Variants in CNTNAP3B observed in about 807,000 individuals in gnomAD.
CNTNAP3B encodes the protein contactin associated protein family member 3B.
CNTNAP3B carries 25 observed loss-of-function variants against 108.9 expected under a neutral mutation model. The observed-to-expected ratio is 0.23, with a 90% CI of 0.17 to 0.32. CNTNAP3B has a LOEUF of 0.32. Ranked by LOEUF, CNTNAP3B falls within the 10% of genes least tolerant of loss-of-function variation. The pLI is 1.00. For missense variants in CNTNAP3B, 252 were observed against 1,210.4 expected, an observed-to-expected ratio of 0.21 and a Z score of 11.75; for synonymous variants, 103 against 473.4, an observed-to-expected ratio of 0.22 and a Z score of 10.16.
chr9:42,055,459 C>T (rs553159404), intron 3 of CNTNAP3B, among the ~76,000 whole-genome samples: 1 of 144,810 alleles, frequency 6.9e-6, no homozygotes, highest in Non-Finnish European at 1.5e-5. Context: ...GTACCATGAC[C>T]ACTGAAAGAG....
rs1828189885 is a variant in CNTNAP3B, at chr9:42,111,384, A to G, written c.86-6645T>C. Reference sequence around the variant, plus strand: ...TGCTCCTGTGAAGCTTATCCTACTGAGTAGAATAAACAAATAAAGGCATAG... The same window carrying G: ...TGCTCCTGTGAAGCTTATCCTACTGGGTAGAATAAACAAATAAAGGCATAG... On this transcript the variant is annotated intron_variant, in intron 1 of 23. Transcript: ENST00000377561. Among the ~76,000 whole-genome samples the G allele has an allele frequency of 2.2e-5, 3 of 139,038 alleles. No homozygotes were observed. The South Asian group carries it at 7.0e-4, about 32-fold the overall frequency. 91.2% of individuals were successfully genotyped at this position (139,038 alleles called of 152,430 possible).
intron 10 of CNTNAP3B, among the ~76,000 whole-genome samples, chr9:41,968,427 C>T (rs561088838): frequency 1.4e-5 from 2 of 140,276 alleles, no homozygotes; most frequent in East Asian, 4.2e-4. Flanking sequence ...GGTTCTGGAG[C>T]TGGTGTTGAG....
intron 1 of CNTNAP3B, among the ~76,000 whole-genome samples, chr9:42,119,589 G>A (rs1828410395): frequency 7.7e-6 from 1 of 130,578 alleles, no homozygotes; most frequent in Admixed American, 7.8e-5. Flanking sequence ...ATACTACAAG[G>A]CTACAGTAAC....
chr9:41,966,510 C>A (rs2261157), intron 10 of CNTNAP3B, among the ~76,000 whole-genome samples: 1 of 152,262 alleles, frequency 6.6e-6, no homozygotes, highest in African/African-American at 2.4e-5. Context: ...GTGGGGTCAG[C>A]AGCCTGGTCA....
intron 14 of CNTNAP3B, among the ~76,000 whole-genome samples, chr9:41,935,215 G>C (rs1824120070): frequency 6.6e-6 from 1 of 152,262 alleles, no homozygotes; most frequent in Non-Finnish European, 1.5e-5. Context: ...TACTGTGCCT[G>C]AGGAACTGTC....
chr9:41,967,046 A>AT (rs1825300862), intron 10 of CNTNAP3B, among the ~76,000 whole-genome samples: 1 of 149,848 alleles, frequency 6.7e-6, no homozygotes, highest in African/African-American at 2.5e-5. Context: ...GCCCATTGCT[A>AT]TTTTTTGCGT....
chr9:41,923,632 C>T (rs1164595050), intron 16 of CNTNAP3B, among the ~76,000 whole-genome samples: 120 of 152,352 alleles, frequency 7.9e-4, no homozygotes, highest in Non-Finnish European at 1.2e-3. Context: ...CATGGTGGTG[C>T]GTGCCTATAG....
rs996104368 is a variant in CNTNAP3B, at chr9:42,113,402, T to C, written c.86-8663A>G. Among the ~76,000 whole-genome samples, 9 of 139,808 alleles carry C rather than the reference T, an allele frequency of 6.4e-5. 1 individual carries two copies. The highest frequency in any genetic ancestry group is 3.2e-3 in the Middle Eastern group (1 of 310). The allele number at this position is 139,808 out of a possible 152,430, so 91.7% of individuals were successfully genotyped here. A position where few individuals can be genotyped will look rare whatever the true frequency, so the allele number is the denominator to read the frequency against. ...AAATTCAATACCTATTTTTAAACTA[T>C]AGATTTTTGGCTAAAGTATATAATA... On this transcript the variant is annotated intron_variant, in intron 1 of 23. Transcript: ENST00000377561.
At chr9:41,927,591 G>C (rs1449856341) in intron 15 of CNTNAP3B, among the ~76,000 whole-genome samples, 1 of 151,038 alleles carries the variant, frequency 6.6e-6, no homozygotes, top group Non-Finnish European at 1.5e-5. Context: ...ATGGGATGGA[G>C]GAAGGAAATT....
chr9:41,952,006 G>A (rs559171847), intron 13 of CNTNAP3B, among the ~76,000 whole-genome samples: 12 of 152,372 alleles, frequency 7.9e-5, no homozygotes, highest in African/African-American at 2.6e-4. Flanking sequence ...GAATCCGGGA[G>A]GGGAGCGGGT....
Position 41,953,175 on chromosome 9 carries a change from G to A in CNTNAP3B, c.2080+8C>T, listed in dbSNP as rs761451528. 20 of 1,518,476 alleles carry A rather than the reference G, an allele frequency of 1.3e-5. No individual in the cohort carries two copies. Among genetic ancestry groups the A allele is most frequent in the Non-Finnish European group, 8.8e-7 (1 of 1,142,482 alleles). 94.1% of individuals were successfully genotyped at this position (1,518,476 alleles called of 1,614,324 possible). A position where few individuals can be genotyped will look rare whatever the true frequency, so the allele number is the denominator to read the frequency against. On this transcript the variant is annotated splice_region_variant and intron_variant, in intron 13 of 23. Coordinates refer to ENST00000377561, the MANE Select transcript of CNTNAP3B (RefSeq NM_001201380.3). Reference sequence around the variant, plus strand: ...TGAGCCCCTGTAGCCTCCAGCAGTGGCGCTTACCTCGTGAGTCCGGGCGCC... The same window carrying A: ...TGAGCCCCTGTAGCCTCCAGCAGTGACGCTTACCTCGTGAGTCCGGGCGCC...
intron 11 of CNTNAP3B, among the ~76,000 whole-genome samples, chr9:41,962,878 C>T (rs947481793): frequency 4.6e-5 from 7 of 151,970 alleles, no homozygotes; most frequent in African/African-American, 1.7e-4. Flanking sequence ...TGGCGTGAAC[C>T]CAGGAGGCGG....
intron 17 of CNTNAP3B, among the ~76,000 whole-genome samples, chr9:41,921,175 C>T (rs1193755357): frequency 6.6e-6 from 1 of 152,422 alleles, no homozygotes; most frequent in African/African-American, 2.4e-5. Context: ...GCTTCATCCA[C>T]CGCAATGAAT....
intron 15 of CNTNAP3B, among the ~76,000 whole-genome samples, chr9:41,924,836 T>A (rs1334968531): frequency 2.6e-5 from 4 of 152,284 alleles, no homozygotes; most frequent in Non-Finnish European, 4.4e-5. Flanking sequence ...AGTGTGTGAG[T>A]CTTTTCTTAT....
At chr9:42,125,665 G>GTTTTTTTTTTTTTTT (rs200934708) in intron 1 of CNTNAP3B, among the ~76,000 whole-genome samples, 2 of 118,972 alleles carry the variant, frequency 1.7e-5, no homozygotes, top group Non-Finnish European at 1.7e-5. Flanking sequence ...TACATTTTTT[G>GTTTTTTTTTTTTTTT]TTTTTTTTTT....
At chr9:42,078,519 TCTA>T (rs1339610523) in intron 2 of CNTNAP3B, among the ~76,000 whole-genome samples, 2 of 139,724 alleles carry the variant, frequency 1.4e-5, no homozygotes, top group East Asian at 2.1e-4. Context: ...TTTTTATTGT[TCTA>T]TGTTCTGAAT....
chr9:42,004,036 T>C (rs1826052830), intron 4 of CNTNAP3B, among the ~76,000 whole-genome samples: 2 of 144,310 alleles, frequency 1.4e-5, no homozygotes, highest in African/African-American at 5.2e-5. Context: ...TTATATTCAA[T>C]AAATTTAAGG....
intron 1 of CNTNAP3B, among the ~76,000 whole-genome samples, chr9:42,126,627 T>C (rs1564202650): frequency 7.3e-6 from 1 of 136,342 alleles, no homozygotes; most frequent in Non-Finnish European, 1.6e-5. Flanking sequence ...TGGAGTGCTA[T>C]GGTGGGATCT....
chr9:42,110,853 A>G lies in CNTNAP3B; in HGVS notation c.86-6114T>C, dbSNP rs1177399953. 2.9e-3 allele frequency among the ~76,000 whole-genome samples: 387 copies of G among 135,334 alleles called. 38 individuals carry two copies. Among genetic ancestry groups the G allele is most frequent in the Middle Eastern group, 7.1e-3 (2 of 282 alleles). 88.8% of individuals were successfully genotyped at this position (135,334 alleles called of 152,430 possible). The stretch of plus-strand genomic sequence containing the variant: ...TTAGAAGGTACCAAAAGTTCATCTT[A>G]TTATGAATCTGAATTGATCTGTGCA... On this transcript the variant is annotated intron_variant, in intron 1 of 23. Coordinates refer to ENST00000377561, the MANE Select transcript of CNTNAP3B (RefSeq NM_001201380.3).
Sources: allele counts gnomAD v4.1 joint callset (sites outside exome capture counted in the v4.1 genomes callset), GRCh38; gene constraint gnomAD v4.1.1; transcripts MANE v1.5; gene names NCBI Gene and HGNC (gene_info 2026-07-23, HGNC 2026-07-21).